CLEC20A: variants seen among roughly 807,000 people sequenced by gnomAD.
The protein encoded by CLEC20A is C-type lectin domain containing 20A, also known as putative C-type lectin domain family 20 member A.
At chr1:178,482,381 G>A in exon 7 of CLEC20A, 1 of 398,598 alleles carries the variant, frequency 2.5e-6, no homozygotes, top group Non-Finnish European at 4.4e-6. Flanking sequence ...CTGCTTTCAA[G>A]ATTCCAAAAG....
At position 178,479,695 on chromosome 1, in the gene CLEC20A, A is replaced by G. The variant is rs938334206; in HGVS notation, c.1123-80T>C. On this transcript the variant is annotated intron_variant, in intron 7 of 7. Transcript: ENST00000623247. ...TCTTAGCCCTAAACTATCCATCCGT[A>G]TACCCTTTATGCATATCCATACCCT... 188 of 396,636 alleles carry G rather than the reference A, an allele frequency of 4.7e-4. 1 individual carries two copies. Among genetic ancestry groups the G allele is most frequent in the Admixed American group, 1.3e-4 (3 of 22,654 alleles). 24.6% of individuals were successfully genotyped at this position (396,636 alleles called of 1,614,324 possible).
At chr1:178,486,279 ACG>A (rs1649139678) in intron 5 of CLEC20A, among the ~76,000 whole-genome samples, 1 of 152,116 alleles carries the variant, frequency 6.6e-6, no homozygotes, top group South Asian at 2.1e-4. Context: ...CCAGCACACA[ACG>A]CGCCCACACC....
intron 5 of CLEC20A, 174 bp from the exon 6 acceptor site, chr1:178,483,456 C>G (rs1046758124): frequency 2.6e-6 from 1 of 391,412 alleles, no homozygotes; most frequent in Non-Finnish European, 4.5e-6. Flanking sequence ...CCTGACTCAC[C>G]CCTACAGGCT....
At chr1:178,479,903 TAAAAAAA>T (rs74263840) in intron 7 of CLEC20A, 1 of 130,736 alleles carries the variant, frequency 7.6e-6, no homozygotes, top group Non-Finnish European at 1.5e-5. Flanking sequence ...GAGAGTTGTT[TAAAAAAA>T]AAAAAAAAGA....
At chr1:178,496,987 C>G (rs1649411259), upstream of CLEC20A, 2 of 399,746 alleles carry the variant, frequency 5.0e-6, no homozygotes, top group Non-Finnish European at 8.8e-6. Context: ...GGGCACGGGA[C>G]AAGACCCCGG....
intron 5 of CLEC20A, among the ~76,000 whole-genome samples, chr1:178,487,690 T>C (rs999717739): frequency 6.6e-6 from 1 of 152,218 alleles, no homozygotes; most frequent in African/African-American, 2.4e-5. Context: ...TCCCTTTTCG[T>C]TGTGTCCCCA....
intron 4 of CLEC20A, among the ~76,000 whole-genome samples, chr1:178,488,932 A>T (rs1649214326): frequency 1.3e-5 from 2 of 152,032 alleles, no homozygotes; most frequent in Admixed American, 1.3e-4. Flanking sequence ...TGGGGCGGAG[A>T]GGGAGTGACT....
intron 3 of CLEC20A, among the ~76,000 whole-genome samples, chr1:178,490,834 G>A (rs1374610000): frequency 6.6e-6 from 1 of 152,254 alleles, no homozygotes; most frequent in Non-Finnish European, 1.5e-5. Flanking sequence ...CAAGATGGTA[G>A]TGACCATTTC....
intron 2 of CLEC20A, 107 bp downstream of exon 2, chr1:178,494,347 A>C (rs1471729997): frequency 2.5e-6 from 1 of 397,850 alleles, no homozygotes; most frequent in African/African-American, 2.1e-5. Context: ...TGAGCCCAGG[A>C]GTTGGAGGTT....
chr1:178,493,005 G>T (rs1027614367), intron 2 of CLEC20A, among the ~76,000 whole-genome samples: 1 of 152,228 alleles, frequency 6.6e-6, no homozygotes, highest in East Asian at 1.9e-4. Flanking sequence ...TGATTCTTTT[G>T]TTTACAGGGA....
At chr1:178,481,921 G>A (rs1372136414) in intron 7 of CLEC20A, 1 of 160,596 alleles carries the variant, frequency 6.2e-6, no homozygotes, top group Non-Finnish European at 1.3e-5. Flanking sequence ...CACCAACCAT[G>A]TGAGTTAGGC....
chr1:178,491,902 G>A (rs1649273307), intron 3 of CLEC20A, among the ~76,000 whole-genome samples: 1 of 152,162 alleles, frequency 6.6e-6, no homozygotes, highest in South Asian at 2.1e-4. Context: ...TGAGAGCTGG[G>A]CTGCAGCCAA....
Position 178,485,745 on chromosome 1 carries a change from T to A in CLEC20A, c.929-2463A>T, listed in dbSNP as rs143962846. On this transcript the variant is annotated intron_variant, in intron 5 of 7. Transcript: ENST00000623247. ...AAGTACTCAGGAAATTATCGTCCAA[T>A]TAAATCATCTACCAATGTGCACTAT... 1.8e-4 allele frequency among the ~76,000 whole-genome samples: 28 copies of A among 152,316 alleles called. No homozygotes were observed. The East Asian group carries it at 4.4e-3, about 24-fold the overall frequency.
intron 3 of CLEC20A, among the ~76,000 whole-genome samples, chr1:178,491,806 C>G (rs1231518245): frequency 1.3e-5 from 2 of 152,292 alleles, no homozygotes; most frequent in African/African-American, 4.8e-5. Flanking sequence ...CCAGAGGGGA[C>G]TATTTCAGAG....
chr1:178,489,054 G>A lies in CLEC20A; in HGVS notation c.830-455C>T, dbSNP rs1000740211. 1.3e-4 allele frequency among the ~76,000 whole-genome samples: 20 copies of A among 152,242 alleles called. No homozygotes were observed. In the South Asian group the frequency reaches 2.3e-3, roughly 17 times the overall value. ...TTGTGAATATTCTAAAAGCCACTGC[G>A]TTGTACCCTTTAAAAAGGTAAATTT... On this transcript the variant is annotated intron_variant, in intron 4 of 7. Transcript: ENST00000623247.
chr1:178,498,975 C>A (rs74129216), upstream of CLEC20A, among the ~76,000 whole-genome samples: 7,726 of 152,266 alleles, frequency 0.051, 262 homozygotes, highest in African/African-American at 0.087. Context: ...TGTGTCAGGG[C>A]CTCCCAGGAC....
chr1:178,497,657 C>T (rs1333825814), upstream of CLEC20A, among the ~76,000 whole-genome samples: 1 of 152,224 alleles, frequency 6.6e-6, no homozygotes, highest in Non-Finnish European at 1.5e-5. Context: ...ATCATTGGGT[C>T]TTCATTCTGA....
intron 4 of CLEC20A, among the ~76,000 whole-genome samples, chr1:178,488,838 C>G (rs570539495): frequency 6.6e-6 from 1 of 152,110 alleles, no homozygotes; most frequent in Non-Finnish European, 1.5e-5. Flanking sequence ...AAGGATCATG[C>G]GTCTCATCAA....
exon 2 of CLEC20A, chr1:178,494,657 G>T (rs960240859): frequency 2.5e-6 from 1 of 399,464 alleles, no homozygotes; most frequent in African/African-American, 2.1e-5. Flanking sequence ...CCAAGCCGGG[G>T]TGCTGGTCAT....
Sources: gnomAD v4.1 joint callset for allele counts (sites outside exome capture counted in the v4.1 genomes callset) on GRCh38, gnomAD v4.1.1 for gene constraint, MANE v1.5 for transcripts, NCBI Gene and HGNC (gene_info 2026-07-23, HGNC 2026-07-21) for gene names.